Variants in ZNF385D observed in about 807,000 individuals in gnomAD.
ZNF385D encodes the protein zinc finger protein 385D.
ZNF385D carries 15 observed loss-of-function variants against 35.8 expected under a neutral mutation model. The observed-to-expected ratio is 0.42, with a 90% confidence interval of 0.28 to 0.64. The LOEUF (loss-of-function observed/expected upper bound fraction) is 0.64, where lower values mean the gene tolerates loss of function less well. Ranked by LOEUF, ZNF385D falls within the 30% of genes least tolerant of loss-of-function variation. The probability of loss-of-function intolerance (pLI) is 0.23; values close to 1 mark genes in which losing one functional copy is unlikely to be tolerated. For synonymous variants in ZNF385D, 212 were observed against 186.8 expected, an observed-to-expected ratio of 1.13 and a Z score of -1.10; for missense variants, 474 against 494.6, an observed-to-expected ratio of 0.96 and a Z score of 0.39.
chr3:21,687,393 T>C (rs549556943), intron 1 of ZNF385D, among the ~76,000 whole-genome samples: 2 of 152,322 alleles, frequency 1.3e-5, no homozygotes, highest in South Asian at 4.1e-4. Flanking sequence ...GTATAACTCA[T>C]AATTTTTTTT....
intron 3 of ZNF385D, among the ~76,000 whole-genome samples, chr3:22,001,992 G>T (rs1445116122): frequency 2.0e-5 from 3 of 151,772 alleles, no homozygotes; most frequent in Admixed American, 1.3e-4. Flanking sequence ...CAAAGAAGTA[G>T]ATTTCAAATA....
At chr3:21,970,361 T>C (rs1703171018) in intron 3 of ZNF385D, among the ~76,000 whole-genome samples, 3 of 151,992 alleles carry the variant, frequency 2.0e-5, no homozygotes, top group Admixed American at 6.6e-5. Context: ...ACTTAAAAAA[T>C]AGATTAAAAT....
intron 3 of ZNF385D, among the ~76,000 whole-genome samples, chr3:21,925,647 T>C (rs563160110): frequency 2.6e-5 from 4 of 152,228 alleles, no homozygotes; most frequent in Middle Eastern, 3.4e-3. Flanking sequence ...AACCTACAAG[T>C]AGTTACTTTC....
At chr3:21,564,711 A>AAAT (rs767696144) in intron 2 of ZNF385D, 27 bp from the exon 3 acceptor site, 127 of 1,401,250 alleles carry the variant, frequency 9.1e-5, no homozygotes, top group Non-Finnish European at 1.2e-4. Context: ...GAAATACAAC[A>AAAT]AATAGAAATA....
chr3:22,221,490 T>G (rs1698253617), intron 2 of ZNF385D, among the ~76,000 whole-genome samples: 1 of 152,150 alleles, frequency 6.6e-6, no homozygotes, highest in Non-Finnish European at 1.5e-5. Flanking sequence ...CGTTAGAGTG[T>G]TCTTAAGACT....
At chr3:21,695,389 CTGGT>C (rs1365032439) in intron 1 of ZNF385D, among the ~76,000 whole-genome samples, 1 of 152,082 alleles carries the variant, frequency 6.6e-6, no homozygotes, top group Non-Finnish European at 1.5e-5. Context: ...GGGATATAGC[CTGGT>C]TTGCAAAATG....
chr3:21,846,007 T>C (rs1283031414), intron 3 of ZNF385D, among the ~76,000 whole-genome samples: 1 of 152,048 alleles, frequency 6.6e-6, no homozygotes, highest in Non-Finnish European at 1.5e-5. Context: ...GCTACACTTC[T>C]GAAGGCTGAG....
chr3:22,006,760 T>C (rs1239662134), intron 3 of ZNF385D, among the ~76,000 whole-genome samples: 2 of 151,578 alleles, frequency 1.3e-5, no homozygotes, highest in Non-Finnish European at 2.9e-5. Flanking sequence ...ATAATAAACA[T>C]CTCTTGAAAT....
At chr3:21,932,625 A>G (rs1471817532) in intron 3 of ZNF385D, among the ~76,000 whole-genome samples, 1 of 151,858 alleles carries the variant, frequency 6.6e-6, no homozygotes, top group Non-Finnish European at 1.5e-5. Flanking sequence ...AGTCAGGATT[A>G]TTTTCTTCTT....
intron 3 of ZNF385D, among the ~76,000 whole-genome samples, chr3:21,959,642 C>T (rs1321549114): frequency 1.3e-5 from 2 of 152,192 alleles, no homozygotes; most frequent in African/African-American, 4.8e-5. Flanking sequence ...GGTCTCCTGT[C>T]ACCATGGAAG....
chr3:22,030,819 C>G (rs1169933439), intron 3 of ZNF385D, among the ~76,000 whole-genome samples: 2 of 152,194 alleles, frequency 1.3e-5, no homozygotes, highest in African/African-American at 4.8e-5. Flanking sequence ...AAAGTGTCAT[C>G]TGAGACAAGT....
At chr3:21,846,651 A>G (rs556839438) in intron 3 of ZNF385D, among the ~76,000 whole-genome samples, 1 of 152,114 alleles carries the variant, frequency 6.6e-6, no homozygotes, top group Non-Finnish European at 1.5e-5. Flanking sequence ...ATCTAAGAGA[A>G]TGGAAAATGA....
At chr3:21,557,130 C>T (rs925562334) in intron 3 of ZNF385D, among the ~76,000 whole-genome samples, 1 of 152,154 alleles carries the variant, frequency 6.6e-6, no homozygotes, top group African/African-American at 2.4e-5. Context: ...AGTTGACTTC[C>T]CCTTTTCCTA....
At chr3:21,816,174 G>C (rs531697498) in intron 3 of ZNF385D, among the ~76,000 whole-genome samples, 41 of 152,176 alleles carry the variant, frequency 2.7e-4, no homozygotes, top group African/African-American at 9.6e-4. Context: ...TTGATGGGAC[G>C]TATCTCAAAA....
intron 3 of ZNF385D, among the ~76,000 whole-genome samples, chr3:21,988,578 C>G (rs1694953868): frequency 6.6e-6 from 1 of 150,452 alleles, no homozygotes; most frequent in South Asian, 2.2e-4. Context: ...TCAGAGCTGT[C>G]AGACAGGGAC....
intron 2 of ZNF385D, among the ~76,000 whole-genome samples, chr3:22,189,105 T>G (rs1695845512): frequency 6.6e-6 from 1 of 152,284 alleles, no homozygotes; most frequent in Admixed American, 6.6e-5. Context: ...TTCTACAGTT[T>G]TTTTCAGGTG....
chr3:22,116,852 TTGTC>T (rs1702836773), intron 3 of ZNF385D, among the ~76,000 whole-genome samples: 1 of 152,188 alleles, frequency 6.6e-6, no homozygotes, highest in Non-Finnish European at 1.5e-5. Flanking sequence ...TTTATAGAAA[TTGTC>T]TGTAACACTA....
At chr3:22,075,699 A>G (rs539945911) in intron 3 of ZNF385D, among the ~76,000 whole-genome samples, 1 of 151,994 alleles carries the variant, frequency 6.6e-6, no homozygotes, top group African/African-American at 2.4e-5. Context: ...GTTTTGATAC[A>G]TTCTCTTGGC....
At chr3:22,037,109 C>T (rs910941014) in intron 3 of ZNF385D, among the ~76,000 whole-genome samples, 46 of 151,942 alleles carry the variant, frequency 3.0e-4, no homozygotes, top group Admixed American at 5.2e-4. Context: ...TCCAGTCTAT[C>T]GTTGTTGGGT....
Sources: allele counts gnomAD v4.1 joint callset (sites outside exome capture counted in the v4.1 genomes callset), GRCh38; gene constraint gnomAD v4.1.1; transcripts MANE v1.5; gene names NCBI Gene and HGNC (gene_info 2026-07-23, HGNC 2026-07-21).